The following HPSE2 variants were observed in gnomAD, a reference collection of about 807,000 sequenced individuals.
The protein encoded by HPSE2 is inactive heparanase-2.
A neutral mutation model predicts 60.5 loss-of-function variants in HPSE2; 38 were observed. The ratio of observed to expected loss-of-function variants is 0.63; its 90% CI spans 0.48 to 0.82. The LOEUF is 0.82. HPSE2 is among the 40% of genes least tolerant of loss of function. HPSE2 has a pLI of 0.00. For missense variants in HPSE2, 713 were observed against 740.4 expected (o/e 0.96, Z 0.43); for synonymous variants, 295 against 293.2 (o/e 1.01, Z -0.06).
intron 3 of HPSE2, among the ~76,000 whole-genome samples, chr10:98,866,109 A>G (rs1372996866): frequency 6.6e-6 from 1 of 152,174 alleles, no homozygotes; most frequent in Non-Finnish European, 1.5e-5. Flanking sequence ...ACTGACAGAT[A>G]TGTTAGAATT....
At chr10:99,120,098 T>A (rs1374988694) in intron 3 of HPSE2, among the ~76,000 whole-genome samples, 1 of 151,948 alleles carries the variant, frequency 6.6e-6, no homozygotes, top group African/African-American at 2.4e-5. Flanking sequence ...GCAAACAGGA[T>A]CTAATTAAAC....
At chr10:99,045,222 T>C (rs1957828386) in intron 3 of HPSE2, among the ~76,000 whole-genome samples, 1 of 152,076 alleles carries the variant, frequency 6.6e-6, no homozygotes, top group Non-Finnish European at 1.5e-5. Context: ...ACTACACAAA[T>C]ACATGGAAAT....
chr10:98,826,430 G>C (rs563173914), intron 3 of HPSE2, among the ~76,000 whole-genome samples: 1 of 152,340 alleles, frequency 6.6e-6, no homozygotes, highest in South Asian at 2.1e-4. Flanking sequence ...CTTTGGGGCA[G>C]ATTTAAAATA....
chr10:98,630,605 C>T (rs1454413589), intron 7 of HPSE2, among the ~76,000 whole-genome samples: 1 of 151,902 alleles, frequency 6.6e-6, no homozygotes, highest in Non-Finnish European at 1.5e-5. Context: ...TGAAACTTTC[C>T]TCAAAACTTC....
At chr10:98,489,761 A>G (rs1941572968) in intron 10 of HPSE2, among the ~76,000 whole-genome samples, 1 of 152,280 alleles carries the variant, frequency 6.6e-6, no homozygotes, top group African/African-American at 2.4e-5. Flanking sequence ...CAACTGGCAC[A>G]GAGAAAATGC....
At position 98,711,947 on chromosome 10, in the gene HPSE2, C is replaced by A. The variant is rs1336039389; in HGVS notation, c.956+9710G>T. Among the ~76,000 whole-genome samples the A allele has an allele frequency of 2.6e-5, 4 of 152,178 alleles. No individual in the cohort carries two copies. The East Asian group carries it at 7.7e-4, about 29-fold the overall frequency. ...AGAATCATGCTGCATGCATAGCAAT[C>A]CCTCTAGGTGCTTCTAATGCAGGAG... On this transcript the variant is annotated intron_variant, in intron 5 of 11. Coordinates refer to ENST00000370552, the MANE Select transcript of HPSE2 (RefSeq NM_021828.5).
chr10:98,538,381 G>A (rs1943355361), intron 9 of HPSE2, among the ~76,000 whole-genome samples: 2 of 152,008 alleles, frequency 1.3e-5, no homozygotes, highest in African/African-American at 4.8e-5. Context: ...TGACAATCTC[G>A]AACCTTCCTG....
chr10:98,937,226 C>T (rs1350389916), intron 3 of HPSE2, among the ~76,000 whole-genome samples: 1 of 143,750 alleles, frequency 7.0e-6, no homozygotes, highest in Admixed American at 6.9e-5. Flanking sequence ...GAGTGCCAGA[C>T]AGTGGGCGCA....
intron 3 of HPSE2, among the ~76,000 whole-genome samples, chr10:98,942,161 T>C (rs1162009821): frequency 3.6e-5 from 5 of 138,164 alleles, no homozygotes; most frequent in African/African-American, 9.0e-5. Context: ...ATTCAGGACA[T>C]AGGCATGGGC....
chr10:98,506,098 T>C lies in HPSE2; in HGVS notation c.1321-15902A>G, dbSNP rs76565836. 1.5e-3 allele frequency among the ~76,000 whole-genome samples: 221 copies of C among 152,268 alleles called. 5 individuals are homozygous for C. In the East Asian group the frequency reaches 0.038, roughly 26 times the overall value. On this transcript the variant is annotated intron_variant, in intron 9 of 11. Transcript: ENST00000370552. ...AATTCAAATAAGAAGAATTTACCTT[T>C]TTATGATACTGAGTCTTTTTATCTA...
At chr10:99,225,351 A>G (rs991795888) in intron 2 of HPSE2, among the ~76,000 whole-genome samples, 11 of 152,086 alleles carry the variant, frequency 7.2e-5, no homozygotes, top group Non-Finnish European at 1.5e-4. Flanking sequence ...TAATTTGACA[A>G]TCACACCTGG....
At chr10:99,081,785 C>T (rs1166128673) in intron 3 of HPSE2, among the ~76,000 whole-genome samples, 1 of 151,916 alleles carries the variant, frequency 6.6e-6, no homozygotes, top group Admixed American at 6.6e-5. Context: ...TACAGGCCCC[C>T]GCCACCATGC....
At chr10:99,206,528 G>C (rs182311874) in intron 2 of HPSE2, among the ~76,000 whole-genome samples, 25 of 150,488 alleles carry the variant, frequency 1.7e-4, no homozygotes, top group Non-Finnish European at 1.8e-4. Flanking sequence ...GGAGGTCAAG[G>C]CTGCAGTGGT....
intron 2 of HPSE2, among the ~76,000 whole-genome samples, chr10:99,224,184 C>T (rs10748766): frequency 0.88 from 133,512 of 152,048 alleles, 58,849 homozygotes; most frequent in African/African-American, 0.94. Flanking sequence ...CACTGTCTTT[C>T]ACCATATCAA....
intron 3 of HPSE2, among the ~76,000 whole-genome samples, chr10:98,752,522 C>T (rs1949782566): frequency 6.6e-6 from 1 of 152,100 alleles, no homozygotes; most frequent in South Asian, 2.1e-4. Context: ...TATCTGGATA[C>T]TTTCTACAGA....
intron 5 of HPSE2, among the ~76,000 whole-genome samples, chr10:98,719,791 A>G (rs902206969): frequency 2.0e-4 from 31 of 151,946 alleles, no homozygotes; most frequent in African/African-American, 7.2e-4. Flanking sequence ...ACCTGAGGTC[A>G]GGAGCTCAAC....
intron 3 of HPSE2, among the ~76,000 whole-genome samples, chr10:99,019,636 T>G (rs900601603): frequency 2.6e-5 from 4 of 152,146 alleles, no homozygotes; most frequent in Non-Finnish European, 5.9e-5. Context: ...GTGCTTCCAG[T>G]TTCTTCAGGT....
rs1216625566 is a variant in HPSE2 at position 99,154,124 on chromosome 10, G to C, written c.449-9725C>G. ...ATGTGAAAAGACCAAATCTACGTCT[G>C]ATTGGTGTACCTGAAAGTGATGGGG... On this transcript the variant is annotated intron_variant, in intron 2 of 11. Coordinates refer to ENST00000370552, the MANE Select transcript of HPSE2 (RefSeq NM_021828.5). Among the ~76,000 whole-genome samples the C allele has an allele frequency of 4.1e-5, 6 of 146,758 alleles. No individual in the cohort carries two copies. In the South Asian group the frequency reaches 9.1e-4, roughly 22 times the overall value.
At chr10:98,998,222 G>C (rs1006726265) in intron 3 of HPSE2, among the ~76,000 whole-genome samples, 5 of 152,252 alleles carry the variant, frequency 3.3e-5, no homozygotes, top group Non-Finnish European at 5.9e-5. Flanking sequence ...GTTGTGATTT[G>C]GGTTAAGGGA....
Sources: allele counts gnomAD v4.1 joint callset (sites outside exome capture counted in the v4.1 genomes callset), GRCh38; gene constraint gnomAD v4.1.1; transcripts MANE v1.5; gene names NCBI Gene and HGNC (gene_info 2026-07-23, HGNC 2026-07-21).